Variants in CNTNAP2 observed in about 807,000 individuals in gnomAD.
The protein encoded by CNTNAP2 is contactin-associated protein-like 2.
Under a neutral mutation model 155.2 loss-of-function variants are expected in CNTNAP2, and 98 were observed. The observed-to-expected ratio is 0.63, with a 90% confidence interval of 0.54 to 0.75. The LOEUF (loss-of-function observed/expected upper bound fraction) is 0.75. CNTNAP2 is among the 30% of genes least tolerant of loss of function. CNTNAP2 has a pLI of 0.00. For missense variants in CNTNAP2, 1,727 were observed against 1,688.1 expected (o/e 1.02, Z -0.40); for synonymous variants, 651 against 631.2 (o/e 1.03, Z -0.47).
intron 1 of CNTNAP2, among the ~76,000 whole-genome samples, chr7:146,369,586 T>C (rs914811179): frequency 5.3e-5 from 8 of 152,174 alleles, no homozygotes; most frequent in African/African-American, 1.9e-4. Flanking sequence ...GACTTTTGAT[T>C]TCTATCCATC....
intron 3 of CNTNAP2, among the ~76,000 whole-genome samples, chr7:146,898,537 G>A (rs1282092469): frequency 6.6e-6 from 1 of 151,698 alleles, no homozygotes; most frequent in Non-Finnish European, 1.5e-5. Flanking sequence ...TACTGCCTAA[G>A]GAAATGGCAT....
intron 3 of CNTNAP2, among the ~76,000 whole-genome samples, chr7:147,006,231 AG>A (rs1798521169): frequency 6.6e-6 from 1 of 152,028 alleles, no homozygotes; most frequent in Non-Finnish European, 1.5e-5. Flanking sequence ...AAGGGGTACT[AG>A]TTGGGAAAGT....
At chr7:146,628,719 CTG>C (rs887659175) in intron 1 of CNTNAP2, among the ~76,000 whole-genome samples, 44 of 152,026 alleles carry the variant, frequency 2.9e-4, no homozygotes, top group Admixed American at 1.5e-3. Context: ...TATTTAGAGA[CTG>C]TACTTCGATC....
intron 1 of CNTNAP2, among the ~76,000 whole-genome samples, chr7:146,500,989 T>A (rs2129133271): frequency 6.6e-6 from 1 of 152,246 alleles, no homozygotes; most frequent in South Asian, 2.1e-4. Flanking sequence ...GAGGAATTTT[T>A]TTCTTAATTC....
chr7:146,241,608 A>T (rs957079541), intron 1 of CNTNAP2, among the ~76,000 whole-genome samples: 2 of 151,918 alleles, frequency 1.3e-5, no homozygotes, highest in African/African-American at 4.8e-5. Context: ...TTAATGTGAC[A>T]TTTTTTTTAG....
Position 146,884,678 on chromosome 7 carries a change from A to G in CNTNAP2, c.402+44774A>G, listed in dbSNP as rs1585138318. On this transcript the variant is annotated intron_variant, in intron 3 of 23. Transcript: ENST00000361727. ...CTGGAGGGCCCACTGGAGCATAAGT[A>G]GAGTGCAACAGAAGACTTCGAGGAG... Among the ~76,000 whole-genome samples the G allele has an allele frequency of 3.3e-5, 5 of 152,248 alleles. No individual in the cohort carries two copies. The South Asian group carries it at 1.0e-3, about 32-fold the overall frequency.
chr7:147,848,223 A>T (rs980431213), intron 13 of CNTNAP2, among the ~76,000 whole-genome samples: 1 of 144,820 alleles, frequency 6.9e-6, no homozygotes, highest in Admixed American at 7.3e-5. Flanking sequence ...GTTTGATCTC[A>T]GACTGCTGTG....
At chr7:147,839,053 A>T (rs1798679207) in intron 13 of CNTNAP2, among the ~76,000 whole-genome samples, 1 of 152,228 alleles carries the variant, frequency 6.6e-6, no homozygotes, top group Non-Finnish European at 1.5e-5. Context: ...AAGCTAAAGA[A>T]CTTTGGGTCC....
intron 9 of CNTNAP2, among the ~76,000 whole-genome samples, chr7:147,305,723 T>TG (rs1224754168): frequency 6.6e-6 from 1 of 152,202 alleles, no homozygotes; most frequent in African/African-American, 2.4e-5. Flanking sequence ...AGGTACGTAT[T>TG]GATTTTCTAG....
At position 148,136,509 on chromosome 7, in the gene CNTNAP2, A is replaced by T. The variant is rs538549132; in HGVS notation, c.2555-10982A>T. On this transcript the variant is annotated intron_variant, in intron 16 of 23. Transcript: ENST00000361727. ...CTCTCTAGAAGTCGATGCCAGCACT[A>T]TGCTCATATAGCCTGCAGAGCCAAG... Among the ~76,000 whole-genome samples, 266 of 152,280 alleles carry T rather than the reference A, an allele frequency of 1.7e-3. 1 individual carries two copies. Among genetic ancestry groups the T allele is most frequent in the African/African-American group, 5.7e-3 (236 of 41,550 alleles).
At chr7:148,402,266 C>T (rs542734101) in intron 22 of CNTNAP2, among the ~76,000 whole-genome samples, 1 of 152,238 alleles carries the variant, frequency 6.6e-6, no homozygotes, top group East Asian at 1.9e-4. Flanking sequence ...AAGTCAGGAG[C>T]CAAAAAGTCA....
chr7:148,361,263 C>G (rs1164561317), intron 21 of CNTNAP2, among the ~76,000 whole-genome samples: 2 of 152,196 alleles, frequency 1.3e-5, no homozygotes, highest in East Asian at 1.9e-4. Flanking sequence ...TTCAGTCTCT[C>G]TGAGGCAAAT....
intron 14 of CNTNAP2, among the ~76,000 whole-genome samples, chr7:147,968,787 T>A (rs1454007170): frequency 6.6e-6 from 1 of 152,144 alleles, no homozygotes; most frequent in Non-Finnish European, 1.5e-5. Context: ...TCACAGAGAT[T>A]TGATTTCTAG....
At chr7:148,305,590 C>T (rs1290450708) in intron 21 of CNTNAP2, among the ~76,000 whole-genome samples, 2 of 152,108 alleles carry the variant, frequency 1.3e-5, no homozygotes, top group Non-Finnish European at 2.9e-5. Flanking sequence ...GGCTAAGACG[C>T]CTCAGGAAAC....
intron 3 of CNTNAP2, among the ~76,000 whole-genome samples, chr7:147,006,021 G>T (rs1798517653): frequency 6.6e-6 from 1 of 151,750 alleles, no homozygotes; most frequent in Non-Finnish European, 1.5e-5. Context: ...TACCCATCTG[G>T]CTGGAGCCCT....
intron 8 of CNTNAP2, among the ~76,000 whole-genome samples, chr7:147,240,816 A>G (rs964614644): frequency 1.3e-5 from 2 of 152,216 alleles, no homozygotes; most frequent in African/African-American, 4.8e-5. Flanking sequence ...ATATATAAAA[A>G]TTCTGTGTCG....
intron 11 of CNTNAP2, among the ~76,000 whole-genome samples, chr7:147,525,201 T>C (rs1799296710): frequency 6.6e-6 from 1 of 152,230 alleles, no homozygotes; most frequent in African/African-American, 2.4e-5. Context: ...ATCAGAAACA[T>C]GTCTTTGTTA....
intron 3 of CNTNAP2, among the ~76,000 whole-genome samples, chr7:146,932,676 A>G (rs1796802925): frequency 6.6e-6 from 1 of 152,214 alleles, no homozygotes; most frequent in African/African-American, 2.4e-5. Flanking sequence ...ATGATAGTAT[A>G]TCTGGAAAAC....
At position 146,946,210 on chromosome 7, in the gene CNTNAP2, C is replaced by T. The variant is rs1357898735; in HGVS notation, c.403-97697C>T. ...TGCTTCAAATACACTTTTTATTCCCCTGTAGAATCAGAAAATATCTGACTG... is the reference window on the plus strand; with the variant it reads ...TGCTTCAAATACACTTTTTATTCCCTTGTAGAATCAGAAAATATCTGACTG... On this transcript the variant is annotated intron_variant, in intron 3 of 23. Transcript: ENST00000361727. Among the ~76,000 whole-genome samples the T allele has an allele frequency of 7.3e-5, 11 of 151,208 alleles. No homozygotes were observed. The South Asian group carries it at 1.9e-3, about 26-fold the overall frequency.
Sources: allele counts gnomAD v4.1 joint callset (sites outside exome capture counted in the v4.1 genomes callset), GRCh38; gene constraint gnomAD v4.1.1; transcripts MANE v1.5; gene names NCBI Gene and HGNC (gene_info 2026-07-23, HGNC 2026-07-21).